The following MDGA2 variants were observed in gnomAD, a reference collection of about 807,000 sequenced individuals.
MDGA2 encodes the protein MAM domain-containing glycosylphosphatidylinositol anchor protein 2.
Under a neutral mutation model 117.8 loss-of-function variants are expected in MDGA2, and 40 were observed. That is an observed-to-expected ratio of 0.34 (90% CI 0.26 to 0.44). The LOEUF is 0.44. Among genes scored for constraint, MDGA2 ranks in the 20% least tolerant of loss-of-function variants. The pLI is 1.00. For missense variants in MDGA2, 1,123 were observed against 1,250.6 expected (o/e 0.90, Z 1.54); for synonymous variants, 452 against 439.0 (o/e 1.03, Z -0.37).
chr14:47,650,203 C>T (rs1897613166), intron 1 of MDGA2, among the ~76,000 whole-genome samples: 1 of 152,120 alleles, frequency 6.6e-6, no homozygotes, highest in Admixed American at 6.6e-5. Flanking sequence ...CATGCTTAAA[C>T]ATCTCTTTTT....
chr14:47,016,744 ATTAT>A (rs1888097545), intron 8 of MDGA2, among the ~76,000 whole-genome samples: 1 of 152,032 alleles, frequency 6.6e-6, no homozygotes, highest in African/African-American at 2.4e-5. Context: ...AGCAAAGTTT[ATTAT>A]TTATTGTAAA....
At chr14:47,168,295 A>T (rs1324201215) in intron 3 of MDGA2, among the ~76,000 whole-genome samples, 1 of 151,614 alleles carries the variant, frequency 6.6e-6, no homozygotes, top group East Asian at 1.9e-4. Context: ...AAAAAAAAAA[A>T]AAAAAAAAAA....
chr14:46,938,528 GA>G (rs1884868858), intron 9 of MDGA2, among the ~76,000 whole-genome samples: 1 of 20,390 alleles, frequency 4.9e-5, no homozygotes, highest in South Asian at 1.9e-3. Context: ...CAACAAGAAC[GA>G]AAATCCATCT....
At chr14:47,059,405 A>T (rs1215807982) in intron 7 of MDGA2, 2 of 912,370 alleles carry the variant, frequency 2.2e-6, no homozygotes, top group East Asian at 1.3e-4. Flanking sequence ...CAAATTAATG[A>T]TAGTTAGGAA....
chr14:47,345,299 C>G (rs530303864), intron 1 of MDGA2, among the ~76,000 whole-genome samples: 8 of 152,102 alleles, frequency 5.3e-5, no homozygotes, highest in South Asian at 2.1e-4. Flanking sequence ...CAGCCTGTCC[C>G]CTTTATAATA....
chr14:47,115,741 CATG>C (rs1283190896), intron 5 of MDGA2, among the ~76,000 whole-genome samples: 1 of 152,048 alleles, frequency 6.6e-6, no homozygotes, highest in African/African-American at 2.4e-5. Flanking sequence ...AGCACCCTTT[CATG>C]ATAACACTCT....
intron 16 of MDGA2, among the ~76,000 whole-genome samples, chr14:46,845,488 A>G (rs192879145): frequency 6.6e-6 from 1 of 152,304 alleles, no homozygotes; most frequent in Admixed American, 6.5e-5. Flanking sequence ...AAATAATATC[A>G]AAGTGTTTTA....
chr14:47,160,674 GAATA>G (rs1045038420), intron 3 of MDGA2, among the ~76,000 whole-genome samples: 1 of 151,942 alleles, frequency 6.6e-6, no homozygotes, highest in East Asian at 1.9e-4. Flanking sequence ...TAAAATAAAT[GAATA>G]AATAAATAAA....
At chr14:47,081,434 A>G (rs1566612959) in intron 6 of MDGA2, among the ~76,000 whole-genome samples, 1 of 152,178 alleles carries the variant, frequency 6.6e-6, no homozygotes, top group Non-Finnish European at 1.5e-5. Context: ...GTAAAACAAT[A>G]TACTACCCAC....
At chr14:47,503,298 C>A (rs550057011) in intron 1 of MDGA2, among the ~76,000 whole-genome samples, 1 of 142,784 alleles carries the variant, frequency 7.0e-6, no homozygotes. Context: ...GTAAAACATG[C>A]TTTAGGTATC....
intron 1 of MDGA2, among the ~76,000 whole-genome samples, chr14:47,455,462 T>C (rs1215420946): frequency 6.6e-6 from 1 of 152,118 alleles, no homozygotes; most frequent in East Asian, 1.9e-4. Context: ...GCCAAGATCA[T>C]GCCACTTTAC....
intron 1 of MDGA2, among the ~76,000 whole-genome samples, chr14:47,466,293 G>A (rs2138603967): frequency 6.6e-6 from 1 of 151,934 alleles, no homozygotes; most frequent in African/African-American, 2.4e-5. Flanking sequence ...ACGTAACAAA[G>A]ATTTGCAGGA....
At chr14:47,042,439 T>G (rs1889112459) in intron 7 of MDGA2, among the ~76,000 whole-genome samples, 1 of 151,882 alleles carries the variant, frequency 6.6e-6, no homozygotes, top group South Asian at 2.1e-4. Flanking sequence ...GTGATCTGAT[T>G]GAGACTCCAA....
At chr14:47,595,557 C>CAAAAAAAAAAAAAAAAAA (rs1162012490) in intron 1 of MDGA2, among the ~76,000 whole-genome samples, 168 of 137,886 alleles carry the variant, frequency 1.2e-3, no homozygotes, top group Middle Eastern at 4.0e-3. Context: ...CAAAAAAAAA[C>CAAAAAAAAAAAAAAAAAA]AAAAAAAAAA....
chr14:46,947,695 C>T (rs1422447437), intron 9 of MDGA2, among the ~76,000 whole-genome samples: 1 of 152,050 alleles, frequency 6.6e-6, no homozygotes, highest in Non-Finnish European at 1.5e-5. Flanking sequence ...CCTTGCCTTC[C>T]ACCATGACTG....
intron 3 of MDGA2, among the ~76,000 whole-genome samples, chr14:47,171,821 C>G (rs184656595): frequency 6.6e-6 from 1 of 152,116 alleles, no homozygotes; most frequent in Non-Finnish European, 1.5e-5. Context: ...GCACACCATG[C>G]GCGAGCTGAA....
chr14:47,000,400 A>ATATTTATATATATATATATTTATAT (rs1555342235), intron 8 of MDGA2, among the ~76,000 whole-genome samples: 2 of 115,604 alleles, frequency 1.7e-5, no homozygotes, highest in African/African-American at 6.7e-5. Flanking sequence ...TTTATATATA[A>ATATTTATATATATATATATTTATAT]ATATATATTT....
At chr14:47,520,737 T>C (rs1482585072) in intron 1 of MDGA2, among the ~76,000 whole-genome samples, 3 of 152,190 alleles carry the variant, frequency 2.0e-5, no homozygotes, top group African/African-American at 7.2e-5. Context: ...GAAATGAATG[T>C]ACACTTTAGA....
At chr14:47,284,325 T>C (rs1248282801) in intron 2 of MDGA2, among the ~76,000 whole-genome samples, 6 of 152,138 alleles carry the variant, frequency 3.9e-5, no homozygotes, top group Non-Finnish European at 7.4e-5. Flanking sequence ...TTAATATTAA[T>C]ATGGCTAAAG....
Sources: allele counts gnomAD v4.1 joint callset (sites outside exome capture counted in the v4.1 genomes callset), GRCh38; gene constraint gnomAD v4.1.1; transcripts MANE v1.5; gene names NCBI Gene and HGNC (gene_info 2026-07-23, HGNC 2026-07-21).